The following SIGLEC1 variants were observed in gnomAD, a reference collection of about 807,000 sequenced individuals.
SIGLEC1 encodes the protein sialic acid binding Ig like lectin 1.
In SIGLEC1, 132 loss-of-function variants were observed where a neutral mutation model predicts 148.0. That is an observed-to-expected ratio of 0.89 (90% confidence interval 0.77 to 1.03). SIGLEC1 has a LOEUF of 1.03. Among genes scored for constraint, SIGLEC1 ranks in the 50% least tolerant of loss-of-function variants. The pLI, the probability that SIGLEC1 is intolerant of heterozygous loss-of-function variation, is 0.00. For missense variants in SIGLEC1, 2,253 were observed against 2,271.4 expected, an observed-to-expected ratio of 0.99 and a Z score of 0.16; for synonymous variants, 945 against 969.0, an observed-to-expected ratio of 0.98 and a Z score of 0.46.
Position 3,703,989 on chromosome 20 carries a change from GC to G in SIGLEC1, c.808del (p.Ala270GlnfsTer61), listed in dbSNP as rs1471133375. The G allele has an allele frequency of 6.2e-7, 1 of 1,612,784 alleles. No homozygotes were observed. Among genetic ancestry groups the G allele is most frequent in the Non-Finnish European group, 8.5e-7 (1 of 1,179,296 alleles). The part of the protein sequence containing the change: ...LTCQVNSSYP[A>X]VSSIKWLKDG... ...CTTGAGCCACTTAATGGAACTGACT[GC>G]AGGGTAGCTGCTGTTCACCTGGCAG... On this transcript the variant is annotated frameshift_variant, in exon 5 of 22. Coordinates refer to ENST00000344754, the MANE Select transcript of SIGLEC1 (RefSeq NM_023068.4). LOFTEE classifies it high-confidence loss of function.
At position 3,694,706 on chromosome 20, in the gene SIGLEC1, T is replaced by G; in HGVS notation, c.2901A>C (p.Ser967=). ...AYHCQAQAPG[S]ATTSLAAPIS... ...TGGGTGCAGCTAGGCTCGTGGTGGC[T>G]GAGCCTGGGGCCTGGGCTTGGCAAT... The change falls in exon 12 of 22, where the codon TCA becomes TCC. Residue 967 remains serine (S), a synonymous_variant. Transcript: ENST00000344754. The G allele has an allele frequency of 6.2e-6, 10 of 1,613,822 alleles. No homozygotes were observed. Among genetic ancestry groups the G allele is most frequent in the African/African-American group, 2.7e-5 (2 of 75,038 alleles).
chr20:3,699,944 G>A (rs2087836960), intron 7 of SIGLEC1, among the ~76,000 whole-genome samples: 2 of 150,404 alleles, frequency 1.3e-5, no homozygotes, highest in Admixed American at 6.6e-5. Context: ...CCAAGTAGCT[G>A]GGATTACAGG....
rs1351515099 is a variant in SIGLEC1, at chr20:3,693,509, C to T, written c.3446G>A (p.Cys1149Tyr). ...VTVRDATSYR[C>Y]GVGPPGRAPR... Reference sequence around the variant, plus strand: ...TGCCCGACCAGGGGGGCCCACACCGCAGCGGTAGGAGGTGGCATCCCTGAC... The same window carrying T: ...TGCCCGACCAGGGGGGCCCACACCGTAGCGGTAGGAGGTGGCATCCCTGAC... The change falls in exon 14 of 22, where the codon TGC becomes TAC. Residue 1149 changes from cysteine (C) to tyrosine (Y), a missense_variant. Transcript: ENST00000344754. 2.5e-6 allele frequency: 4 copies of T among 1,610,384 alleles called. No homozygotes were observed. Among genetic ancestry groups the T allele is most frequent in the East Asian group, 4.5e-5 (2 of 44,858 alleles).
chr20:3,709,865 G>A (rs1410642606), intron 1 of SIGLEC1, among the ~76,000 whole-genome samples: 1 of 152,212 alleles, frequency 6.6e-6, no homozygotes, highest in Non-Finnish European at 1.5e-5. Context: ...TATATTCAGA[G>A]ACTGAAAGTA....
chr20:3,688,542 G>T lies in SIGLEC1; in HGVS notation c.*18C>A. 6.3e-7 allele frequency: 1 copy of T among 1,584,402 alleles called. No individual in the cohort carries two copies. Among genetic ancestry groups the T allele is most frequent in the South Asian group, 1.2e-5 (1 of 86,846 alleles). On this transcript the variant is annotated 3_prime_UTR_variant, in exon 22 of 22. Transcript: ENST00000344754. ...ATTCTGGCCACTTTCTCCTCCGGAG[G>T]GCAGGCAACACCACTGGTCAGCCCA... is the stretch of plus-strand genomic sequence containing the variant.
Position 3,703,999 on chromosome 20 carries a change from T to C in SIGLEC1, c.799A>G (p.Ser267Gly), listed in dbSNP as rs2087873939. 6.2e-7 allele frequency: 1 copy of C among 1,613,044 alleles called. No individual in the cohort carries two copies. Among genetic ancestry groups the C allele is most frequent in the Non-Finnish European group, 8.5e-7 (1 of 1,179,356 alleles). The change falls in exon 5 of 22, where the codon AGC (serine) becomes GGC (glycine). Residue 267 changes from serine (S) to glycine (G), a missense_variant. Physicochemically the swap from Ser to Gly is moderately conservative, Grantham distance 56. Transcript: ENST00000344754. ...LVTLTCQVNS[S>G]YPAVSSIKWL... ...TTAATGGAACTGACTGCAGGGTAGC[T>C]GCTGTTCACCTGGCAGGTGAGTGTG...
Position 3,696,876 on chromosome 20 carries a change from C to A in SIGLEC1, c.2393G>T (p.Arg798Leu), listed in dbSNP as rs762450727. 1 of 1,555,170 alleles carries A rather than the reference C, an allele frequency of 6.4e-7. No homozygotes were observed. Among genetic ancestry groups the A allele is most frequent in the South Asian group, 1.2e-5 (1 of 81,466 alleles). The change falls in exon 11 of 22, where the codon CGT (arginine) becomes CTT (leucine). Residue 798 changes from arginine (R) to leucine (L), a missense_variant. Transcript: ENST00000344754. ...GTCTAGGAGGGCTGACAGCTTTGGA[C>A]GGTCCGGGGGATCTGCAGGAACAGA... ...VLLSVLYPPD[R>L]PKLSALLDMG...
In SIGLEC1 at chr20:3,687,894, A is replaced by C. The variant is rs1339839185; in HGVS notation, c.*666T>G. ...GGAAGTGAGTGGAAAAGTCCTGTGCAGCTTCTGAGTTGCGTCCACCATGGG... is the reference window on the plus strand; with the variant it reads ...GGAAGTGAGTGGAAAAGTCCTGTGCCGCTTCTGAGTTGCGTCCACCATGGG... On this transcript the variant is annotated 3_prime_UTR_variant, in exon 22 of 22. Transcript: ENST00000344754. The C allele has an allele frequency of 6.5e-6, 1 of 154,656 alleles. No homozygotes were observed. Among genetic ancestry groups the C allele is most frequent in the African/African-American group, 2.4e-5 (1 of 41,462 alleles). The allele number at this position is 154,656 out of a possible 1,614,324, so 9.6% of individuals were successfully genotyped here.
In SIGLEC1 at chr20:3,689,646, C is replaced by T. The variant is rs1018596268; in HGVS notation, c.4951G>A (p.Gly1651Ser). Residue 1651 changes from glycine to serine, a missense_variant, in exon 20 of 22, where the codon GGC (glycine) becomes AGC (serine). Transcript: ENST00000344754. The stretch of plus-strand genomic sequence containing the variant: ...AGGCCCAACAGCAGGAGCAGGAGGC[C>T]CACCAGCAGTCCCAGGACCCAGAGC... The part of the protein sequence containing the change: ...QLLWVLGLLV[G>S]LLLLLLGLGA... 10 of 1,591,644 alleles carry T rather than the reference C, an allele frequency of 6.3e-6. No individual in the cohort carries two copies. Among genetic ancestry groups the T allele is most frequent in the Non-Finnish European group, 7.7e-6 (9 of 1,169,456 alleles).
intron 11 of SIGLEC1, among the ~76,000 whole-genome samples, chr20:3,696,040 C>T (rs688144): frequency 7.4e-3 from 1,125 of 151,752 alleles, no homozygotes; most frequent in Middle Eastern, 0.01. Context: ...TCAAGTGATC[C>T]GCCCGCCTCA....
intron 3 of SIGLEC1, 38 bp from the exon 4 acceptor site, chr20:3,706,078 G>C (rs1243583292): frequency 1.4e-5 from 22 of 1,587,880 alleles, no homozygotes; most frequent in Non-Finnish European, 1.9e-5. Context: ...ACCCGCTTTT[G>C]CCACCCCTGA....
At chr20:3,688,979 G>A (rs748329842) in intron 21 of SIGLEC1, 176 bp downstream of exon 21, 1 of 652,158 alleles carries the variant, frequency 1.5e-6, no homozygotes, top group Non-Finnish European at 2.7e-6. Flanking sequence ...GATTCCCTCT[G>A]CCCCGAGCAG....
chr20:3,698,384 C>G (rs1205475566), intron 8 of SIGLEC1, among the ~76,000 whole-genome samples: 1 of 152,246 alleles, frequency 6.6e-6, no homozygotes, highest in African/African-American at 2.4e-5. Flanking sequence ...CATTTTCTAG[C>G]TCAGACAAAG....
intron 7 of SIGLEC1, 69 bp from the exon 8 acceptor site, chr20:3,699,528 C>A: frequency 6.5e-7 from 1 of 1,539,060 alleles, no homozygotes; most frequent in Non-Finnish European, 8.8e-7. Context: ...ATATAGAAAG[C>A]CTTCCAGGGT....
At chr20:3,702,561 C>T (rs1406937137) in intron 6 of SIGLEC1, among the ~76,000 whole-genome samples, 1 of 150,728 alleles carries the variant, frequency 6.6e-6, no homozygotes, top group Non-Finnish European at 1.5e-5. Context: ...GCACTCCAGC[C>T]TGGGCAACAC....
rs750243329 is a variant in SIGLEC1, at chr20:3,697,091, C to T, written c.2374G>A (p.Val792Ile). 1.9e-6 allele frequency: 3 copies of T among 1,607,962 alleles called. No individual in the cohort carries two copies. The highest frequency in any genetic ancestry group is 2.5e-6 in the Non-Finnish European group (3 of 1,177,994). Reference protein sequence around the residue: ...AQLSTPVLLSVLYPPDRPKLS... With the variant: ...AQLSTPVLLSILYPPDRPKLS... ...GCCCATGCCAGTCACCCACAGAGTA[C>T]ACTCAGGAGCACGGGAGTGGAGAGC... The change falls in exon 10 of 22, where the codon GTA becomes ATA. Residue 792 changes from valine (V) to isoleucine (I), a missense_variant. Val to Ile is a conservative substitution (Grantham distance 29). Transcript: ENST00000344754.
At chr20:3,692,383 T>G in intron 16 of SIGLEC1, 138 bp downstream of exon 16, 1 of 1,202,246 alleles carries the variant, frequency 8.3e-7, no homozygotes, top group Non-Finnish European at 1.1e-6. Context: ...ACTGTCTCTT[T>G]CTCTAGCACC....
intron 7 of SIGLEC1, among the ~76,000 whole-genome samples, chr20:3,700,106 CTTTTTTTTTTTTTT>C (rs58342380): frequency 1.1e-4 from 4 of 36,114 alleles, no homozygotes; most frequent in East Asian, 2.3e-3. Context: ...CTGTGGCCAG[CTTTTTTTTTTTTTT>C]TTTTTTTTTT....
Position 3,706,505 on chromosome 20 carries a change from C to T in SIGLEC1, c.251G>A (p.Arg84His), listed in dbSNP as rs751172867. 22 of 1,613,402 alleles carry T rather than the reference C, an allele frequency of 1.4e-5. No individual in the cohort carries two copies. Among genetic ancestry groups the T allele is most frequent in the Non-Finnish European group, 1.6e-5 (19 of 1,180,024 alleles). Reference sequence around the variant, plus strand: ...GTTCCCCATGAACTCGGTGCGGCCGCGGAAGCGGGCCTCCACCAGCTTGGG... The same window carrying T: ...GTTCCCCATGAACTCGGTGCGGCCGTGGAAGCGGGCCTCCACCAGCTTGGG... The part of the protein sequence containing the change: ...ADPKLVEARF[R>H]GRTEFMGNPE... The change falls in exon 3 of 22, where the codon CGC (arginine) becomes CAC (histidine). Residue 84 changes from arginine (R) to histidine (H), a missense_variant. Transcript: ENST00000344754.
Sources: gnomAD v4.1 joint callset for allele counts (sites outside exome capture counted in the v4.1 genomes callset) on GRCh38, gnomAD v4.1.1 for gene constraint, MANE v1.5 for transcripts, NCBI Gene and HGNC (gene_info 2026-07-23, HGNC 2026-07-21) for gene names.